The following UGT1A9 variants were observed in gnomAD, a reference collection of about 807,000 sequenced individuals.
UGT1A9 encodes UDP glucuronosyltransferase family 1 member A9, also known as UDP-glucuronosyltransferase 1A9.
UGT1A9 carries 35 observed loss-of-function variants against 45.0 expected under a neutral mutation model. That is an observed-to-expected ratio of 0.78 (90% CI 0.59 to 1.03). The LOEUF (loss-of-function observed/expected upper bound fraction) is 1.03. Among genes scored for constraint, UGT1A9 ranks in the 50% least tolerant of loss-of-function variants. UGT1A9 has a pLI of 0.00. For missense variants in UGT1A9, 687 were observed against 666.6 expected, an observed-to-expected ratio of 1.03 and a Z score of -0.34; for synonymous variants, 278 against 250.6, an observed-to-expected ratio of 1.11 and a Z score of -1.03.
chr2:233,693,527 C>T, intron 1 of UGT1A9: 2 of 1,614,200 alleles, frequency 1.2e-6, no homozygotes, highest in Non-Finnish European at 1.7e-6. Flanking sequence ...CAGGGGTTTT[C>T]CGTGTTCCCT....
intron 1 of UGT1A9, chr2:233,689,955 C>T (rs557485607): frequency 1.1e-5 from 5 of 456,466 alleles, no homozygotes; most frequent in African/African-American, 1.0e-4. Context: ...CCTTTATTTC[C>T]ATGCTTGGAG....
chr2:233,758,661 T>C (rs1290185814), intron 1 of UGT1A9, among the ~76,000 whole-genome samples: 2 of 152,178 alleles, frequency 1.3e-5, no homozygotes, highest in Non-Finnish European at 2.9e-5. Context: ...GGTACCCTAA[T>C]TACCTGTTAA....
intron 1 of UGT1A9, chr2:233,750,495 G>C (rs1427890072): frequency 6.6e-6 from 1 of 151,984 alleles, no homozygotes; most frequent in African/African-American, 2.4e-5. Flanking sequence ...AAGTAAGGAG[G>C]AGCCAAATGT....
chr2:233,740,407 A>T (rs1691384076), intron 1 of UGT1A9, among the ~76,000 whole-genome samples: 1 of 151,962 alleles, frequency 6.6e-6, no homozygotes, highest in South Asian at 2.1e-4. Context: ...AAAATGGGGA[A>T]GTCTCTCTAC....
chr2:233,762,007 A>G (rs1297893749), intron 1 of UGT1A9, among the ~76,000 whole-genome samples: 1 of 152,144 alleles, frequency 6.6e-6, no homozygotes, highest in African/African-American at 2.4e-5. Flanking sequence ...CTATACCTCC[A>G]ATGTGATTTG....
rs762199881 is a variant in UGT1A9 at position 233,672,511 on chromosome 2, A to C, written c.577A>C (p.Ile193Leu). 3 of 1,613,780 alleles carry C rather than the reference A, an allele frequency of 1.9e-6. No homozygotes were observed. The highest frequency in any genetic ancestry group is 2.7e-5 in the African/African-American group (2 of 74,900). The change falls in exon 1 of 5, where the codon ATT (isoleucine) becomes CTT (leucine). Residue 193 changes from isoleucine (I) to leucine (L), a missense_variant. By Grantham distance (5) the Ile-to-Leu change is conservative (BLOSUM62 2). Transcript: ENST00000354728. ...CPAPLSYVPR[I>L]LLGFSDAMTF... ...TGCTCCTCTTTCCTATGTCCCCAGA[A>C]TTCTCTTAGGGTTCTCAGATGCCAT...
intron 1 of UGT1A9, chr2:233,712,923 A>C (rs769020830): frequency 1.1e-5 from 18 of 1,612,000 alleles, no homozygotes; most frequent in Non-Finnish European, 1.5e-5. Flanking sequence ...AAGGTAATTA[A>C]GACGAAGGAA....
Position 233,672,204 on chromosome 2 carries a change from C to G in UGT1A9, c.270C>G (p.Phe90Leu). The G allele has an allele frequency of 1.2e-6, 2 of 1,614,170 alleles. No individual in the cohort carries two copies. The highest frequency in any genetic ancestry group is 1.7e-6 in the Non-Finnish European group (2 of 1,180,012). ...CCCTGGAGGATCTGGACCGGGAGTT[C>G]AAGGCTTTTGCCCATGCTCAATGGA... is the stretch of plus-strand genomic sequence containing the variant. ...SYTLEDLDRE[F>L]KAFAHAQWKA... Residue 90 changes from phenylalanine (F) to leucine (L), a missense_variant, in exon 1 of 5, where the codon TTC becomes TTG. Physicochemically the swap from Phe to Leu is conservative, Grantham distance 22. Transcript: ENST00000354728.
At chr2:233,678,428 A>G (rs2074416799) in intron 1 of UGT1A9, among the ~76,000 whole-genome samples, 1 of 152,224 alleles carries the variant, frequency 6.6e-6, no homozygotes, top group East Asian at 1.9e-4. Flanking sequence ...TCAGGGTGGC[A>G]GAGGCAGAAG....
intron 1 of UGT1A9, chr2:233,722,079 A>C (rs1416421217): frequency 4.1e-6 from 1 of 244,000 alleles, no homozygotes; most frequent in African/African-American, 2.3e-5. Context: ...AAGAATTTTC[A>C]CAGATCACCT....
chr2:233,732,853 A>T (rs1238557082), intron 1 of UGT1A9, among the ~76,000 whole-genome samples: 1 of 149,098 alleles, frequency 6.7e-6, no homozygotes, highest in Admixed American at 6.8e-5. Flanking sequence ...TTGTGAAGTC[A>T]TTGGTAGCTT....
chr2:233,755,002 C>G, intron 1 of UGT1A9: 1 of 1,294,350 alleles, frequency 7.7e-7, no homozygotes, highest in Non-Finnish European at 1.0e-6. Context: ...AAGCTGAAGA[C>G]CTACTCGAAG....
chr2:233,729,769 C>T (rs760048643), intron 1 of UGT1A9: 6 of 1,614,014 alleles, frequency 3.7e-6, no homozygotes, highest in East Asian at 2.2e-5. Flanking sequence ...CAAGAACATG[C>T]TCTACCCTCT....
At chr2:233,677,892 C>A (rs1290690935) in intron 1 of UGT1A9, among the ~76,000 whole-genome samples, 1 of 151,954 alleles carries the variant, frequency 6.6e-6, no homozygotes, top group African/African-American at 2.4e-5. Context: ...CAGCTCTATT[C>A]AGAATAGAAA....
intron 1 of UGT1A9, among the ~76,000 whole-genome samples, chr2:233,728,304 C>A (rs2077697138): frequency 1.3e-5 from 2 of 152,312 alleles, no homozygotes; most frequent in African/African-American, 4.8e-5. Context: ...TCAGACTGTG[C>A]AAGATCTGAG....
intron 1 of UGT1A9, among the ~76,000 whole-genome samples, chr2:233,728,857 A>G (rs1164474909): frequency 6.6e-6 from 1 of 152,224 alleles, no homozygotes; most frequent in Admixed American, 6.5e-5. Flanking sequence ...TGGATGAGAA[A>G]CAAGAGCTTG....
intron 1 of UGT1A9, chr2:233,754,420 G>A (rs2125925827): frequency 2.9e-6 from 1 of 342,686 alleles, no homozygotes; most frequent in East Asian, 7.5e-5. Context: ...ATAAAGACAG[G>A]CATTGGCATA....
intron 1 of UGT1A9, chr2:233,747,418 T>A: frequency 6.2e-7 from 1 of 1,607,692 alleles, no homozygotes; most frequent in Non-Finnish European, 8.5e-7. Flanking sequence ...AATATGCACA[T>A]CAAACAAGAG....
At position 233,773,229 on chromosome 2, in the gene UGT1A9, G is replaced by T. The variant is rs71539604; in HGVS notation, c.*670G>T. On this transcript the variant is annotated 3_prime_UTR_variant, in exon 5 of 5. Transcript: ENST00000354728. ...AAAACCCAAAATACAGCTATGAAGT[G>T]CTGGGCAAGTTTACTTTTTTTCTGA... 2 of 152,312 alleles carry T rather than the reference G, an allele frequency of 1.3e-5. No individual in the cohort carries two copies. The highest frequency in any genetic ancestry group is 2.9e-5 in the Non-Finnish European group (2 of 68,032). The allele number at this position is 152,312 out of a possible 1,614,324, so 9.4% of individuals were successfully genotyped here.
Sources: gnomAD v4.1 joint callset for allele counts (sites outside exome capture counted in the v4.1 genomes callset) on GRCh38, gnomAD v4.1.1 for gene constraint, MANE v1.5 for transcripts, NCBI Gene and HGNC (gene_info 2026-07-23, HGNC 2026-07-21) for gene names.